CNTNAP5: variants seen among roughly 807,000 people sequenced by gnomAD.
CNTNAP5 encodes the protein contactin associated protein family member 5.
CNTNAP5 carries 72 observed loss-of-function variants against 150.2 expected under a neutral mutation model. The observed-to-expected ratio is 0.48, with a 90% CI of 0.40 to 0.58. The LOEUF (loss-of-function observed/expected upper bound fraction) is 0.58, where lower values mean the gene tolerates loss of function less well. CNTNAP5 is among the 20% of genes least tolerant of loss of function. The pLI is 0.00. For missense variants in CNTNAP5, 1,636 were observed against 1,626.2 expected, an observed-to-expected ratio of 1.01 and a Z score of -0.10; for synonymous variants, 672 against 619.8, an observed-to-expected ratio of 1.08 and a Z score of -1.25.
chr2:124,497,211 C>T (rs1350261955), intron 7 of CNTNAP5, among the ~76,000 whole-genome samples: 1 of 152,134 alleles, frequency 6.6e-6, no homozygotes, highest in East Asian at 1.9e-4. Context: ...GCTTGAGTCA[C>T]TAATAGTAAA....
At chr2:124,685,158 G>A (rs1327111411) in intron 13 of CNTNAP5, among the ~76,000 whole-genome samples, 1 of 152,142 alleles carries the variant, frequency 6.6e-6, no homozygotes, top group Non-Finnish European at 1.5e-5. Flanking sequence ...TGTGAGCCGA[G>A]ACACCCCTGG....
chr2:124,837,267 G>C (rs892384542), intron 19 of CNTNAP5, among the ~76,000 whole-genome samples: 4 of 151,972 alleles, frequency 2.6e-5, no homozygotes, highest in African/African-American at 9.7e-5. Context: ...AACAATACAG[G>C]GTAGGTGGGG....
At chr2:124,512,061 T>TCAAACAAACAAAA (rs1694605513) in intron 8 of CNTNAP5, among the ~76,000 whole-genome samples, 1 of 151,878 alleles carries the variant, frequency 6.6e-6, no homozygotes, top group Non-Finnish European at 1.5e-5. Flanking sequence ...TGGTTGTAGG[T>TCAAACAAACAAAA]ACTGAAGCTA....
At position 124,221,800 on chromosome 2, in the gene CNTNAP5, T is replaced by C; in HGVS notation, c.178T>C (p.Trp60Arg). Reference sequence around the variant, plus strand: ...CACTCACAGCCCAGCTCAACTCAACTGGAGAGTTGGTAAGTAGGCTGACTG... The same window carrying C: ...CACTCACAGCCCAGCTCAACTCAACCGGAGAGTTGGTAAGTAGGCTGACTG... ...TGTHSPAQLN[W>R]RVGTGGWSPA... Residue 60 changes from tryptophan (W) to arginine (R), a missense_variant, in exon 2 of 24, where the codon TGG (tryptophan) becomes CGG (arginine). Coordinates refer to ENST00000682447, the MANE Select transcript of CNTNAP5 (RefSeq NM_001367498.1). 6.2e-7 allele frequency: 1 copy of C among 1,601,840 alleles called. No homozygotes were observed. The highest frequency in any genetic ancestry group is 1.7e-5 in the Admixed American group (1 of 59,168).
At chr2:124,876,330 A>G (rs1319884427) in intron 21 of CNTNAP5, among the ~76,000 whole-genome samples, 1 of 151,894 alleles carries the variant, frequency 6.6e-6, no homozygotes, top group Non-Finnish European at 1.5e-5. Context: ...CGTTAATTGC[A>G]TGGGTTGAAA....
At chr2:124,123,728 C>G (rs1474013188) in intron 1 of CNTNAP5, among the ~76,000 whole-genome samples, 2 of 152,164 alleles carry the variant, frequency 1.3e-5, no homozygotes, top group Non-Finnish European at 2.9e-5. Flanking sequence ...GATCTGACAG[C>G]AACATTTGCC....
chr2:124,291,915 A>G (rs938935362), intron 3 of CNTNAP5, among the ~76,000 whole-genome samples: 1 of 152,130 alleles, frequency 6.6e-6, no homozygotes, highest in African/African-American at 2.4e-5. Context: ...TCTTTTTTCA[A>G]TGTTGAATCA....
At chr2:124,402,715 A>G (rs1172599244) in intron 3 of CNTNAP5, among the ~76,000 whole-genome samples, 3 of 152,212 alleles carry the variant, frequency 2.0e-5, no homozygotes, top group Non-Finnish European at 4.4e-5. Flanking sequence ...AACTGTCGCT[A>G]TTAAACGACA....
intron 10 of CNTNAP5, among the ~76,000 whole-genome samples, chr2:124,543,610 A>G (rs1320704037): frequency 2.0e-5 from 3 of 152,232 alleles, no homozygotes; most frequent in Non-Finnish European, 4.4e-5. Context: ...AAGGTTTCAC[A>G]TTAGCCCAGA....
chr2:124,435,734 C>A (rs1183390721), intron 5 of CNTNAP5, among the ~76,000 whole-genome samples: 1 of 152,092 alleles, frequency 6.6e-6, no homozygotes, highest in African/African-American at 2.4e-5. Context: ...GCTGGAGAGA[C>A]ATAAGGATGA....
intron 13 of CNTNAP5, among the ~76,000 whole-genome samples, chr2:124,721,196 C>T (rs956821431): frequency 9.9e-5 from 15 of 152,128 alleles, no homozygotes; most frequent in Non-Finnish European, 1.9e-4. Flanking sequence ...GAATTAAATG[C>T]GGCTGGGCAC....
intron 13 of CNTNAP5, among the ~76,000 whole-genome samples, chr2:124,704,648 G>T (rs1679596138): frequency 6.6e-6 from 1 of 152,062 alleles, no homozygotes; most frequent in Non-Finnish European, 1.5e-5. Flanking sequence ...TGTATAAAAA[G>T]AAAAAATAAT....
intron 1 of CNTNAP5, among the ~76,000 whole-genome samples, chr2:124,130,660 T>C (rs1683823093): frequency 1.3e-5 from 2 of 152,124 alleles, no homozygotes. Flanking sequence ...CAGCATCCTA[T>C]TAGCTCTTCC....
chr2:124,726,895 TA>T (rs1680168109), intron 13 of CNTNAP5, among the ~76,000 whole-genome samples: 1 of 152,020 alleles, frequency 6.6e-6, no homozygotes. Context: ...GGGGTCATGC[TA>T]AAAAAATGTT....
At chr2:124,705,023 T>A (rs576840816) in intron 13 of CNTNAP5, among the ~76,000 whole-genome samples, 1 of 146,672 alleles carries the variant, frequency 6.8e-6, no homozygotes, top group South Asian at 2.2e-4. Context: ...GTGTCTCCTA[T>A]TTTTGCTTTT....
Position 124,271,962 on chromosome 2 carries a change from G to A in CNTNAP5, c.381+29569G>A, listed in dbSNP as rs143866022. ...ATACCTGACCTCAAGTGATATGCCT[G>A]CTTCAGCCTCCCAAAGTGCTGGGAT... On this transcript the variant is annotated intron_variant, in intron 3 of 23. Transcript: ENST00000682447. Among the ~76,000 whole-genome samples, 161 of 152,204 alleles carry A rather than the reference G, an allele frequency of 1.1e-3. 1 individual carries two copies. Among genetic ancestry groups the A allele is most frequent in the African/African-American group, 3.7e-3 (155 of 41,552 alleles).
At chr2:124,395,263 A>G (rs925276361) in intron 3 of CNTNAP5, among the ~76,000 whole-genome samples, 8 of 152,196 alleles carry the variant, frequency 5.3e-5, no homozygotes, top group Non-Finnish European at 7.3e-5. Context: ...AGCAGTTCAG[A>G]GGAAACAGAA....
At chr2:124,577,803 C>G (rs1696322098) in intron 11 of CNTNAP5, among the ~76,000 whole-genome samples, 1 of 152,016 alleles carries the variant, frequency 6.6e-6, no homozygotes. Context: ...TCTGCACAGA[C>G]AGAGAATATG....
chr2:124,686,139 G>A lies in CNTNAP5; in HGVS notation c.2077+38181G>A, dbSNP rs550150432. ...ATAGAGACAGTAGTGTCTGGGGTGA[G>A]TGGGAGAATTCAATTCAATCTTTTA... On this transcript the variant is annotated intron_variant, in intron 13 of 23. Transcript: ENST00000682447. Among the ~76,000 whole-genome samples the A allele has an allele frequency of 3.9e-5, 6 of 152,180 alleles. No individual in the cohort carries two copies. The East Asian group carries it at 1.2e-3, about 29-fold the overall frequency.
Sources: allele counts gnomAD v4.1 joint callset (sites outside exome capture counted in the v4.1 genomes callset), GRCh38; gene constraint gnomAD v4.1.1; transcripts MANE v1.5; gene names NCBI Gene and HGNC (gene_info 2026-07-23, HGNC 2026-07-21).